The following CEP250 variants were observed in gnomAD, a reference collection of about 807,000 sequenced individuals.
CEP250 encodes the protein centrosomal protein 250.
CEP250 carries 242 observed loss-of-function variants against 315.7 expected under a neutral mutation model. That is an observed-to-expected ratio of 0.77 (90% confidence interval 0.69 to 0.85). CEP250 has a LOEUF of 0.85. Ranked by LOEUF, CEP250 falls within the 40% of genes least tolerant of loss-of-function variation. CEP250 has a pLI of 0.00. For missense variants in CEP250, 2,515 were observed against 2,886.4 expected (o/e 0.87, Z 2.95); for synonymous variants, 1,088 against 1,175.0 (o/e 0.93, Z 1.51).
Position 35,504,289 on chromosome 20 carries a change from CA to C in CEP250, c.5921del (p.His1974LeufsTer17). 1 of 1,588,470 alleles carries C rather than the reference CA, an allele frequency of 6.3e-7. No individual in the cohort carries two copies. The highest frequency in any genetic ancestry group is 8.6e-7 in the Non-Finnish European group (1 of 1,167,868). On this transcript the variant is annotated frameshift_variant, in exon 30 of 35. Transcript: ENST00000397527. LOFTEE classifies it high-confidence loss of function. Reference sequence around the variant, plus strand: ...TCTGCAGGAGGCCCTTGGCAAGGCTCATGCTGCCCTGCAGGGGAAAGAGCAG... The same window carrying C: ...TCTGCAGGAGGCCCTTGGCAAGGCTCTGCTGCCCTGCAGGGGAAAGAGCAG... ...EALQEALGKA[H>X]AALQGKEQHL... is the part of the protein sequence containing the mutation.
intron 1 of CEP250, among the ~76,000 whole-genome samples, 187 bp downstream of exon 1, chr20:35,455,938 C>T (rs2062610506): frequency 6.6e-6 from 1 of 152,234 alleles, no homozygotes; most frequent in Non-Finnish European, 1.5e-5. Flanking sequence ...GCTTGTTGCC[C>T]AGGCTGGAGT....
Position 35,506,057 on chromosome 20 carries a change from T to C in CEP250, c.6636+1052T>C, listed in dbSNP as rs543542833. ...GATGGAAAGTGTGAATGGAGACATG[T>C]GGGTGGGTCTGAGAGGTAGGACTTG... is the stretch of plus-strand genomic sequence containing the variant. On this transcript the variant is annotated intron_variant, in intron 30 of 34. Coordinates refer to ENST00000397527, the MANE Select transcript of CEP250 (RefSeq NM_007186.6). Among the ~76,000 whole-genome samples, 30 of 152,054 alleles carry C rather than the reference T, an allele frequency of 2.0e-4. No homozygotes were observed. In the South Asian group the frequency reaches 6.0e-3, roughly 31 times the overall value.
In CEP250 at chr20:35,473,415, C is replaced by G; in HGVS notation, c.1251C>G (p.Asn417Lys). The G allele has an allele frequency of 6.2e-7, 1 of 1,614,074 alleles. No individual in the cohort carries two copies. Among genetic ancestry groups the G allele is most frequent in the Non-Finnish European group, 8.5e-7 (1 of 1,179,968 alleles). The stretch of plus-strand genomic sequence containing the variant: ...TTGCAGGCTGTCAAGAGGCTGTGAA[C>G]TTGTTGCAACAGCAGCATGATCAGT... Reference protein sequence around the residue: ...QQLAGCQEAVNLLQQQHDQWE... With the variant: ...QQLAGCQEAVKLLQQQHDQWE... The change falls in exon 13 of 35, where the codon AAC (asparagine) becomes AAG (lysine). Residue 417 changes from asparagine (N) to lysine (K), a missense_variant. Asn to Lys is a moderately conservative substitution (Grantham distance 94). Coordinates refer to ENST00000397527, the MANE Select transcript of CEP250 (RefSeq NM_007186.6).
At position 35,466,942 on chromosome 20, in the gene CEP250, T is replaced by C; in HGVS notation, c.493-24T>C. 2.0e-6 allele frequency: 3 copies of C among 1,502,642 alleles called. No homozygotes were observed. The South Asian group carries it at 3.4e-5, about 17-fold the overall frequency. 93.1% of individuals were successfully genotyped at this position (1,502,642 alleles called of 1,614,324 possible). A position where few individuals can be genotyped will look rare whatever the true frequency, so the allele number is the denominator to read the frequency against. On this transcript the variant is annotated intron_variant, in intron 7 of 34. Transcript: ENST00000397527. ...AAAGATAGCCCTCTGCCTTTGGGTA[T>C]GACCTGGGTTTCTGAACACACAGTT...
intron 10 of CEP250, among the ~76,000 whole-genome samples, chr20:35,471,058 G>A (rs1185575203): frequency 6.6e-6 from 1 of 152,086 alleles, no homozygotes. Flanking sequence ...TACACCCCTA[G>A]TCTTCTCATC....
intron 20 of CEP250, 27 bp from the exon 21 acceptor site, chr20:35,490,610 C>T: frequency 6.2e-7 from 1 of 1,605,870 alleles, no homozygotes. Context: ...CCATTTGGTT[C>T]TAATGGTGTT....
At chr20:35,460,462 A>G (rs2062728928) in intron 3 of CEP250, among the ~76,000 whole-genome samples, 1 of 152,214 alleles carries the variant, frequency 6.6e-6, no homozygotes, top group Non-Finnish European at 1.5e-5. Context: ...GGAGGCCATG[A>G]TGAACTGGAG....
chr20:35,506,588 C>T (rs2147194200), intron 30 of CEP250, among the ~76,000 whole-genome samples: 1 of 152,226 alleles, frequency 6.6e-6, no homozygotes, highest in Middle Eastern at 3.4e-3. Flanking sequence ...CCCCAGAGAA[C>T]CCCAGACACA....
At chr20:35,489,752 C>T (rs945942857) in intron 20 of CEP250, among the ~76,000 whole-genome samples, 3 of 152,228 alleles carry the variant, frequency 2.0e-5, no homozygotes. Context: ...GAGACATCCT[C>T]ACTGGGCCAG....
In CEP250 at chr20:35,476,522, C is replaced by T; in HGVS notation, c.1790C>T (p.Ala597Val). 1 of 1,614,106 alleles carries T rather than the reference C, an allele frequency of 6.2e-7. No homozygotes were observed. The highest frequency in any genetic ancestry group is 8.5e-7 in the Non-Finnish European group (1 of 1,179,936). ...ACAGAAGTAGCTGATCTTCGGGCTG[C>T]AGCTGTCAAGCTCAGTGCCTTAAAT... ...LKTEVADLRA[A>V]AVKLSALNEA... Residue 597 changes from alanine to valine, a missense_variant, in exon 16 of 35, where the codon GCA becomes GTA. Physicochemically the swap from Ala to Val is moderately conservative, Grantham distance 64. Transcript: ENST00000397527.
chr20:35,478,401 C>G (rs2063235142), intron 17 of CEP250, among the ~76,000 whole-genome samples: 1 of 152,210 alleles, frequency 6.6e-6, no homozygotes. Flanking sequence ...CCTGTCTCTA[C>G]TAAAAATACA....
chr20:35,465,913 G>A (rs2146705702), intron 6 of CEP250, 88 bp downstream of exon 6: 2 of 1,517,342 alleles, frequency 1.3e-6, no homozygotes, highest in Non-Finnish European at 1.8e-6. Context: ...GGCTAATGTG[G>A]ACTTCAGCCA....
intron 24 of CEP250, 53 bp downstream of exon 24, chr20:35,494,710 AC>A: frequency 1.2e-6 from 2 of 1,604,306 alleles, no homozygotes; most frequent in South Asian, 2.2e-5. Flanking sequence ...TGCCATGGTC[AC>A]TGTGATATTG....
chr20:35,491,364 G>A lies in CEP250; in HGVS notation c.2889+18G>A, dbSNP rs758185653. On this transcript the variant is annotated intron_variant, in intron 22 of 34. Coordinates refer to ENST00000397527, the MANE Select transcript of CEP250 (RefSeq NM_007186.6). Reference sequence around the variant, plus strand: ...AGGAGCAGGTATGGAGGGTGGTCTCGGGAGTAGGGGAGAAAGGGGCACTCA... The same window carrying A: ...AGGAGCAGGTATGGAGGGTGGTCTCAGGAGTAGGGGAGAAAGGGGCACTCA... 8.0e-5 allele frequency: 126 copies of A among 1,572,856 alleles called. No individual in the cohort carries two copies. Among genetic ancestry groups the A allele is most frequent in the Non-Finnish European group, 9.8e-5 (114 of 1,159,124 alleles).
intron 20 of CEP250, among the ~76,000 whole-genome samples, chr20:35,485,827 T>G (rs1415393823): frequency 3.4e-5 from 5 of 146,580 alleles, no homozygotes; most frequent in Non-Finnish European, 7.6e-5. Flanking sequence ...GCTAAGTTTT[T>G]TTTTTTTTTT....
Position 35,502,563 on chromosome 20 carries a change from G to C in CEP250, c.4194G>C (p.Glu1398Asp). ...TGAAAAATGAGGAAGTAGAGAGTGA[G>C]CGTGAGAGAGCCCAGGCTCTGCAAG... ...LKLKNEEVESERERAQALQEQ... is the reference protein window; with the variant it reads ...LKLKNEEVESDRERAQALQEQ... The change falls in exon 30 of 35, where the codon GAG (glutamate) becomes GAC (aspartate). Residue 1398 changes from glutamate to aspartate, a missense_variant. By Grantham distance (45) the Glu-to-Asp change is conservative (BLOSUM62 2). Coordinates refer to ENST00000397527, the MANE Select transcript of CEP250 (RefSeq NM_007186.6). 6.2e-7 allele frequency: 1 copy of C among 1,614,218 alleles called. No individual in the cohort carries two copies. Among genetic ancestry groups the C allele is most frequent in the Middle Eastern group, 1.7e-4 (1 of 6,060 alleles).
In CEP250 at chr20:35,502,454, C is replaced by T; in HGVS notation, c.4085C>T (p.Ala1362Val). The T allele has an allele frequency of 1.2e-6, 2 of 1,614,162 alleles. No homozygotes were observed. The highest frequency in any genetic ancestry group is 1.3e-5 in the African/African-American group (1 of 75,060). ...ACAGCCCAGGTGGAACACCTGCAAGCAGCTGTCGTAGAAGCCAGGGCTCAG... is the reference window on the plus strand; with the variant it reads ...ACAGCCCAGGTGGAACACCTGCAAGTAGCTGTCGTAGAAGCCAGGGCTCAG... ...NLTAQVEHLQ[A>V]AVVEARAQAS... The change falls in exon 30 of 35, where the codon GCA becomes GTA. Residue 1362 changes from alanine to valine, a missense_variant. Coordinates refer to ENST00000397527, the MANE Select transcript of CEP250 (RefSeq NM_007186.6).
At chr20:35,455,343 C>T (rs1320567247), upstream of CEP250, 1 of 152,282 alleles carries the variant, frequency 6.6e-6, no homozygotes, top group African/African-American at 2.4e-5. Flanking sequence ...CGGGCAGCGG[C>T]CTCTTGTTAC....
intron 34 of CEP250, among the ~76,000 whole-genome samples, chr20:35,510,509 A>G (rs991419659): frequency 1.3e-5 from 2 of 152,226 alleles, no homozygotes; most frequent in Non-Finnish European, 2.9e-5. Flanking sequence ...AGTGACTTGA[A>G]GAGCCTTCCT....
Sources: allele counts gnomAD v4.1 joint callset (sites outside exome capture counted in the v4.1 genomes callset), GRCh38; gene constraint gnomAD v4.1.1; transcripts MANE v1.5; gene names NCBI Gene and HGNC (gene_info 2026-07-23, HGNC 2026-07-21).